The following SLC5A5 variants were observed in gnomAD, a reference collection of about 807,000 sequenced individuals.
SLC5A5 encodes the protein sodium/iodide cotransporter.
SLC5A5 carries 56 observed loss-of-function variants against 68.6 expected under a neutral mutation model. The observed-to-expected ratio is 0.82, with a 90% confidence interval of 0.66 to 1.02. SLC5A5 has a LOEUF of 1.02. Among genes scored for constraint, SLC5A5 ranks in the 50% least tolerant of loss-of-function variants. SLC5A5 has a pLI of 0.00. For synonymous variants in SLC5A5, 398 were observed against 373.0 expected (o/e 1.07, Z -0.77); for missense variants, 807 against 859.8 (o/e 0.94, Z 0.77).
Position 17,874,720 on chromosome 19 carries a change from T to C in SLC5A5, c.532T>C (p.Tyr178His), listed in dbSNP as rs2094302825. Reference protein sequence around the residue: ...LLSTGIICTFYTAVGGMKAVV... With the variant: ...LLSTGIICTFHTAVGGMKAVV... ...GTCCACCGGAATTATCTGCACCTTC[T>C]ACACGGCTGTGGTGAGTGGCCCTGG... Residue 178 changes from tyrosine to histidine, a missense_variant, in exon 4 of 15, where the codon TAC (tyrosine) becomes CAC (histidine). By Grantham distance (83) the Tyr-to-His change is moderately conservative (BLOSUM62 2). Transcript: ENST00000222248. 4 of 1,614,020 alleles carry C rather than the reference T, an allele frequency of 2.5e-6. No homozygotes were observed. Among genetic ancestry groups the C allele is most frequent in the African/African-American group, 2.7e-5 (2 of 74,934 alleles).
chr19:17,876,075 G>T lies in SLC5A5; in HGVS notation c.667G>T (p.Ala223Ser), dbSNP rs746458194. The T allele has an allele frequency of 1.9e-6, 3 of 1,614,158 alleles. No homozygotes were observed. The highest frequency in any genetic ancestry group is 2.2e-5 in the East Asian group (1 of 44,884). Reference sequence around the variant, plus strand: ...CGGGCCCCGCCAGGTGCTCACGCTGGCCCAGAACCACTCCCGGATCAACCT... The same window carrying T: ...CGGGCCCCGCCAGGTGCTCACGCTGTCCCAGAACCACTCCCGGATCAACCT... ...VGGPRQVLTL[A>S]QNHSRINLMD... Residue 223 changes from alanine to serine, a missense_variant, in exon 5 of 15, where the codon GCC becomes TCC. Ala to Ser is a moderately conservative substitution (Grantham distance 99). Coordinates refer to ENST00000222248, the MANE Select transcript of SLC5A5 (RefSeq NM_000453.3).
intron 7 of SLC5A5, among the ~76,000 whole-genome samples, chr19:17,880,578 T>C (rs1239439957): frequency 6.6e-6 from 1 of 152,148 alleles, no homozygotes; most frequent in Non-Finnish European, 1.5e-5. Flanking sequence ...ACACCTGTGG[T>C]CTCAGCTACT....
At chr19:17,884,932 G>A (rs2094329907) in intron 12 of SLC5A5, among the ~76,000 whole-genome samples, 1 of 151,064 alleles carries the variant, frequency 6.6e-6, no homozygotes, top group Admixed American at 6.6e-5. Context: ...GACCTCAGGT[G>A]ATCCGCCCAC....
chr19:17,872,398 T>G lies in SLC5A5; in HGVS notation c.79T>G (p.Ser27Ala). 6.2e-7 allele frequency: 1 copy of G among 1,605,332 alleles called. No individual in the cohort carries two copies. The highest frequency in any genetic ancestry group is 8.5e-7 in the Non-Finnish European group (1 of 1,175,844). ...YGVFALMLLV[S>A]TGIGLWVGLA... ...GGTCTTTGCCCTCATGCTCCTGGTG[T>G]CCACTGGCATCGGGCTGTGGGTCGG... Residue 27 changes from serine (S) to alanine (A), a missense_variant, in exon 1 of 15, where the codon TCC (serine) becomes GCC (alanine). Transcript: ENST00000222248.
chr19:17,877,864 G>C lies in SLC5A5; in HGVS notation c.839+1G>C. The stretch of plus-strand genomic sequence containing the variant: ...GCCGCACAGAGAAGCAGGCCAAGCT[G>C]TGAGTGTTTCGGGGAGCAAGGTCGG... On this transcript the variant is annotated splice_donor_variant, in intron 6 of 14. Transcript: ENST00000222248. LOFTEE classifies it high-confidence loss of function. The C allele has an allele frequency of 6.2e-7, 1 of 1,614,224 alleles. No individual in the cohort carries two copies. The highest frequency in any genetic ancestry group is 1.7e-5 in the Admixed American group (1 of 60,024).
In SLC5A5 at chr19:17,872,344, C is replaced by A. The variant is rs756332578; in HGVS notation, c.25C>A (p.Arg9=). The A allele has an allele frequency of 1.1e-5, 18 of 1,583,494 alleles. No individual in the cohort carries two copies. The African/African-American group carries it at 2.3e-4, about 20-fold the overall frequency. The change falls in exon 1 of 15, where the codon CGG becomes AGG. Residue 9 remains arginine (R), a synonymous_variant. Coordinates refer to ENST00000222248, the MANE Select transcript of SLC5A5 (RefSeq NM_000453.3). The stretch of plus-strand genomic sequence containing the variant: ...CATGGAGGCCGTGGAGACCGGGGAA[C>A]GGCCCACCTTCGGAGCCTGGGACTA... MEAVETGE[R]PTFGAWDYGV...
At position 17,888,444 on chromosome 19, in the gene SLC5A5, G is replaced by T. The variant is rs1011037991; in HGVS notation, c.1640G>T (p.Ser547Ile). ...LTTVLCGALI[S>I]CLTGPTKRST... ...ACTGTGCTGTGCGGAGCCCTCATCAGCTGCCTGACAGGTAGGTAAACAGAG... is the reference window on the plus strand; with the variant it reads ...ACTGTGCTGTGCGGAGCCCTCATCATCTGCCTGACAGGTAGGTAAACAGAG... The change falls in exon 13 of 15, where the codon AGC becomes ATC. Residue 547 changes from serine to isoleucine, a missense_variant. By Grantham distance (142) the Ser-to-Ile change is moderately radical (BLOSUM62 -2). Transcript: ENST00000222248. 2.5e-6 allele frequency: 4 copies of T among 1,613,692 alleles called. No homozygotes were observed. Among genetic ancestry groups the T allele is most frequent in the Admixed American group, 1.7e-5 (1 of 59,970 alleles).
rs367779569 is a variant in SLC5A5, at chr19:17,891,346, C to CAGT, written c.1767+347_1767+348insTAG. 6.3e-4 allele frequency among the ~76,000 whole-genome samples: 96 copies of CAGT among 152,186 alleles called. 1 individual carries two copies. The East Asian group carries it at 0.014, about 23-fold the overall frequency. On this transcript the variant is annotated intron_variant, in intron 14 of 14. Transcript: ENST00000222248. ...TCAGCCTCCTGAGTAGTTGCTACTA[C>CAGT]AGGCGCATGCCACCGCACCCAGCTA...
intron 7 of SLC5A5, among the ~76,000 whole-genome samples, chr19:17,878,610 C>T (rs924888165): frequency 9.2e-5 from 14 of 152,050 alleles, no homozygotes; most frequent in African/African-American, 3.4e-4. Context: ...TGTGAGCAGA[C>T]AAGGGCCACA....
chr19:17,876,426 C>CAAAAAAA (rs60457185), intron 5 of SLC5A5, among the ~76,000 whole-genome samples: 72 of 87,416 alleles, frequency 8.2e-4, no homozygotes, highest in African/African-American at 2.9e-3. Context: ...GACCCTGTCT[C>CAAAAAAA]AAAAAAAAAA....
At chr19:17,893,612 G>C (rs1454052133) in intron 14 of SLC5A5, 101 bp from the exon 15 acceptor site, 2 of 1,203,330 alleles carry the variant, frequency 1.7e-6, no homozygotes, top group South Asian at 1.3e-5. Flanking sequence ...TGCACGCCCC[G>C]TCCCGCCAGG....
chr19:17,876,104 G>A lies in SLC5A5; in HGVS notation c.696G>A (p.Met232Ile). Reference sequence around the variant, plus strand: ...AGAACCACTCCCGGATCAACCTCATGGAGTGAGTGAAAATGCAGAGGATAC... The same window carrying A: ...AGAACCACTCCCGGATCAACCTCATAGAGTGAGTGAAAATGCAGAGGATAC... ...LAQNHSRINL[M>I]DFNPDPRSRY... Residue 232 changes from methionine to isoleucine, a missense_variant and splice_region_variant, in exon 5 of 15, where the codon ATG becomes ATA. Physicochemically the swap from Met to Ile is conservative, Grantham distance 10. Transcript: ENST00000222248. 1 of 1,614,038 alleles carries A rather than the reference G, an allele frequency of 6.2e-7. No individual in the cohort carries two copies. Among genetic ancestry groups the A allele is most frequent in the South Asian group, 1.1e-5 (1 of 91,084 alleles).
chr19:17,880,511 G>A (rs762524097), intron 7 of SLC5A5, among the ~76,000 whole-genome samples: 13 of 152,066 alleles, frequency 8.5e-5, no homozygotes, highest in Non-Finnish European at 1.5e-4. Context: ...CACCCTGCCC[G>A]GCCAGACCCC....
chr19:17,883,371 G>A (rs2094325276), intron 10 of SLC5A5, among the ~76,000 whole-genome samples: 1 of 151,066 alleles, frequency 6.6e-6, no homozygotes, highest in African/African-American at 2.4e-5. Context: ...CCAAGATCGC[G>A]CCACTGCACT....
intron 13 of SLC5A5, among the ~76,000 whole-genome samples, 153 bp downstream of exon 13, chr19:17,888,608 TATTATTATTATC>T (rs918410931): frequency 4.3e-5 from 6 of 140,624 alleles, no homozygotes; most frequent in East Asian, 4.1e-4. Context: ...TTATTATTAT[TATTATTATTATC>T]ATCATCATCA....
At chr19:17,877,023 C>T (rs2094309152) in intron 5 of SLC5A5, among the ~76,000 whole-genome samples, 1 of 151,440 alleles carries the variant, frequency 6.6e-6, no homozygotes, top group Admixed American at 6.6e-5. Flanking sequence ...AAGAGCGAAA[C>T]TCCATCTTTA....
Position 17,871,997 on chromosome 19 carries a change from C to G in SLC5A5, c.-323C>G, listed in dbSNP as rs2094295224. 1 of 382,898 alleles carries G rather than the reference C, an allele frequency of 2.6e-6. No individual in the cohort carries two copies. The highest frequency in any genetic ancestry group is 2.9e-5 in the South Asian group (1 of 34,100). The allele number at this position is 382,898 out of a possible 1,614,324, so 23.7% of individuals were successfully genotyped here. ...AGCTGTCAGCGCTGAGCACAGCGCC[C>G]AGGGAGAGGGACAGACAGCCGGCTG... On this transcript the variant is annotated 5_prime_UTR_variant, in exon 1 of 15. Coordinates refer to ENST00000222248, the MANE Select transcript of SLC5A5 (RefSeq NM_000453.3).
Position 17,872,218 on chromosome 19 carries a change from T to TACCCCCCCCCC in SLC5A5, c.-102_-101insACCCCCCCCCC. 2.2e-6 allele frequency: 1 copy of TACCCCCCCCCC among 456,252 alleles called. No individual in the cohort carries two copies. Among genetic ancestry groups the TACCCCCCCCCC allele is most frequent in the Non-Finnish European group, 4.2e-6 (1 of 238,854 alleles). 28.3% of individuals were successfully genotyped at this position (456,252 alleles called of 1,614,324 possible). A position where few individuals can be genotyped will look rare whatever the true frequency, so the allele number is the denominator to read the frequency against. ...AGCGGGGACAGGCTGCCGAGCATCC[T>TACCCCCCCCCC]CCCACCCGCCCTCCCCGTCCTGCCT... On this transcript the variant is annotated 5_prime_UTR_variant, in exon 1 of 15. Transcript: ENST00000222248.
At chr19:17,888,999 C>CATTTTATGTGTATATAT (rs1555754723) in intron 13 of SLC5A5, among the ~76,000 whole-genome samples, 1,770 of 150,976 alleles carry the variant, frequency 0.012, 33 homozygotes, top group African/African-American at 0.041. Context: ...CATACATACA[C>CATTTTATGTGTATATAT]ACTTTTATGT....
Sources: allele counts gnomAD v4.1 joint callset (sites outside exome capture counted in the v4.1 genomes callset), GRCh38; gene constraint gnomAD v4.1.1; transcripts MANE v1.5; gene names NCBI Gene and HGNC (gene_info 2026-07-23, HGNC 2026-07-21).